The following CELF2 variants were observed in gnomAD, a reference collection of about 807,000 sequenced individuals.
CELF2 encodes the protein CUGBP Elav-like family member 2.
A neutral mutation model predicts 62.6 loss-of-function variants in CELF2; 8 were observed. The ratio of observed to expected loss-of-function variants is 0.13; its 90% CI spans 0.07 to 0.23. The LOEUF (loss-of-function observed/expected upper bound fraction) is 0.23, where lower values mean the gene tolerates loss of function less well. Among genes scored for constraint, CELF2 ranks in the 10% least tolerant of loss-of-function variants. The pLI is 1.00. For missense variants in CELF2, 333 were observed against 671.0 expected, an observed-to-expected ratio of 0.50 and a Z score of 5.56; for synonymous variants, 258 against 250.0, an observed-to-expected ratio of 1.03 and a Z score of -0.30.
At chr10:11,189,794 A>G (rs1403907299) in intron 2 of CELF2, among the ~76,000 whole-genome samples, 1 of 152,224 alleles carries the variant, frequency 6.6e-6, no homozygotes, top group Non-Finnish European at 1.5e-5. Context: ...ATCCAGAGGA[A>G]TTCCAGCACC....
At chr10:10,631,113 T>C in the CELF2 span, among the ~76,000 whole-genome samples, 68,430 of 152,020 alleles carry the variant, frequency 0.45, 15,887 homozygotes, top group South Asian at 0.71. Context: ...TCAAACGTAC[T>C]GATCATGTTT....
chr10:10,793,305 G>C, the CELF2 span, among the ~76,000 whole-genome samples: 35 of 152,084 alleles, frequency 2.3e-4, no homozygotes, highest in Non-Finnish European at 1.6e-4. Flanking sequence ...ATCTAAAAAA[G>C]AGAAAGAAAA....
chr10:11,089,688 AAGG>A (rs2141881852), intron 1 of CELF2, among the ~76,000 whole-genome samples: 1 of 152,332 alleles, frequency 6.6e-6, no homozygotes, highest in South Asian at 2.1e-4. Context: ...GGTATATCCA[AAGG>A]AGAAGAAATC....
intron 1 of CELF2, among the ~76,000 whole-genome samples, chr10:11,083,084 G>A (rs1414110393): frequency 1.3e-5 from 2 of 152,224 alleles, no homozygotes; most frequent in African/African-American, 4.8e-5. Context: ...TCCCATCCCA[G>A]GACACAGTGC....
At chr10:11,206,797 T>C (rs2060531452) in intron 2 of CELF2, among the ~76,000 whole-genome samples, 1 of 152,262 alleles carries the variant, frequency 6.6e-6, no homozygotes, top group Non-Finnish European at 1.5e-5. Context: ...ATGGCTAGCT[T>C]ATTATCTTTC....
At chr10:10,981,258 T>G (rs1592694954) in intron 2 of CELF2, among the ~76,000 whole-genome samples, 1 of 152,242 alleles carries the variant, frequency 6.6e-6, no homozygotes, top group Non-Finnish European at 1.5e-5. Context: ...TTGAACTATG[T>G]GATTTGTTGA....
In CELF2 at chr10:11,031,381, C is replaced by T. The variant is rs115331440; in HGVS notation, c.74+13218C>T. Among the ~76,000 whole-genome samples, 1,154 of 152,278 alleles carry T rather than the reference C, an allele frequency of 7.6e-3. 11 individuals are homozygous for T. Among genetic ancestry groups the T allele is most frequent in the African/African-American group, 0.025 (1,054 of 41,568 alleles). ...ATTTCAAGGATCATTACACTTTCAG[C>T]CACTCCACAGCTTTGTGCTCAAGTG... On this transcript the variant is annotated intron_variant, in intron 1 of 12. Transcript: ENST00000633077.
intron 1 of CELF2, among the ~76,000 whole-genome samples, chr10:11,144,845 T>C (rs1056489476): frequency 4.1e-5 from 6 of 147,400 alleles, no homozygotes; most frequent in Non-Finnish European, 8.9e-5. Flanking sequence ...TGAGCCATGA[T>C]TGTGTCACTG....
chr10:11,074,331 G>A (rs954817434), intron 1 of CELF2, among the ~76,000 whole-genome samples: 1 of 152,154 alleles, frequency 6.6e-6, no homozygotes, highest in Non-Finnish European at 1.5e-5. Context: ...CTGCTTAAGG[G>A]ATTTTTTAAA....
Position 11,331,705 on chromosome 10 carries a change from G to A in CELF2, c.*2652G>A, listed in dbSNP as rs1028812457. On this transcript the variant is annotated 3_prime_UTR_variant, in exon 13 of 13. Coordinates refer to ENST00000633077, the MANE Select transcript of CELF2 (RefSeq NM_001326342.2). ...TTATTGTTTGTTATTTCTCTCTGATGTTTTTTGTAAGACATTGTATAAGTG... is the reference window on the plus strand; with the variant it reads ...TTATTGTTTGTTATTTCTCTCTGATATTTTTTGTAAGACATTGTATAAGTG... 1.3e-5 allele frequency: 2 copies of A among 152,452 alleles called. No homozygotes were observed. The highest frequency in any genetic ancestry group is 2.4e-5 in the African/African-American group (1 of 41,404). The allele number at this position is 152,452 out of a possible 1,614,324, so 9.4% of individuals were successfully genotyped here.
At chr10:11,033,976 C>T (rs866907480) in intron 1 of CELF2, among the ~76,000 whole-genome samples, 4 of 152,126 alleles carry the variant, frequency 2.6e-5, no homozygotes, top group Admixed American at 6.5e-5. Context: ...GAAATGTCTG[C>T]CAGTGAATAA....
intron 1 of CELF2, among the ~76,000 whole-genome samples, chr10:10,857,582 CA>C (rs1351304727): frequency 3.5e-5 from 5 of 144,534 alleles, no homozygotes; most frequent in African/African-American, 1.3e-4. Context: ...CTGAACTGTA[CA>C]TTTTAAAATT....
intron 1 of CELF2, among the ~76,000 whole-genome samples, chr10:10,840,737 A>C (rs922923041): frequency 6.6e-6 from 1 of 152,160 alleles, no homozygotes; most frequent in Non-Finnish European, 1.5e-5. Context: ...GGTTTGTTAC[A>C]TAGGTATACA....
chr10:10,788,266 T>C, the CELF2 span, among the ~76,000 whole-genome samples: 2 of 152,000 alleles, frequency 1.3e-5, no homozygotes, highest in African/African-American at 4.8e-5. Context: ...CCTTTTTTTT[T>C]CTAAAACTAC....
At chr10:10,691,120 A>G in the CELF2 span, among the ~76,000 whole-genome samples, 1 of 151,816 alleles carries the variant, frequency 6.6e-6, no homozygotes, top group Non-Finnish European at 1.5e-5. Flanking sequence ...CTCGTCATCT[A>G]GCATTAGGTA....
rs1376449738 is a variant in CELF2, at chr10:11,055,421, A to G, written c.74+37258A>G. Among the ~76,000 whole-genome samples, 3 of 152,244 alleles carry G rather than the reference A, an allele frequency of 2.0e-5. No homozygotes were observed. In the East Asian group the frequency reaches 5.8e-4, roughly 29 times the overall value. On this transcript the variant is annotated intron_variant, in intron 1 of 12. Coordinates refer to ENST00000633077, the MANE Select transcript of CELF2 (RefSeq NM_001326342.2). Reference sequence around the variant, plus strand: ...ACTGAGAGAAAGAATAATAAAGGGAACTATTTGGCTGACCGAGTATCATTT... The same window carrying G: ...ACTGAGAGAAAGAATAATAAAGGGAGCTATTTGGCTGACCGAGTATCATTT...
At chr10:10,693,222 G>A in the CELF2 span, among the ~76,000 whole-genome samples, 3 of 123,668 alleles carry the variant, frequency 2.4e-5, no homozygotes, top group East Asian at 2.3e-4. Flanking sequence ...AGCATGAAGG[G>A]TTGTTGAATT....
At chr10:11,175,884 G>A (rs1565100017) in intron 2 of CELF2, among the ~76,000 whole-genome samples, 1 of 152,328 alleles carries the variant, frequency 6.6e-6, no homozygotes, top group East Asian at 1.9e-4. Flanking sequence ...AGCAAGCCAT[G>A]TTCTTTGCCC....
At chr10:10,555,704 C>T in the CELF2 span, among the ~76,000 whole-genome samples, 3 of 152,170 alleles carry the variant, frequency 2.0e-5, no homozygotes, top group Admixed American at 2.0e-4. Context: ...AGCCCCTTCA[C>T]TTTCTCTTAT....
Sources: allele counts gnomAD v4.1 joint callset (sites outside exome capture counted in the v4.1 genomes callset), GRCh38; gene constraint gnomAD v4.1.1; transcripts MANE v1.5; gene names NCBI Gene and HGNC (gene_info 2026-07-23, HGNC 2026-07-21).